Variants in TCF7L1 observed in about 807,000 individuals in gnomAD.
The protein encoded by TCF7L1 is transcription factor 7 like 1, also known as transcription factor 7-like 1.
A neutral mutation model predicts 63.7 loss-of-function variants in TCF7L1; 18 were observed. The ratio of observed to expected loss-of-function variants is 0.28; its 90% CI spans 0.20 to 0.42. The LOEUF is 0.42. Ranked by LOEUF, TCF7L1 falls within the 10% of genes least tolerant of loss-of-function variation. The probability of loss-of-function intolerance (pLI) is 1.00; values close to 1 mark genes in which losing one functional copy is unlikely to be tolerated. For missense variants in TCF7L1, 654 were observed against 779.3 expected (o/e 0.84, Z 1.91); for synonymous variants, 355 against 340.9 (o/e 1.04, Z -0.46).
chr2:85,302,528 G>A lies in TCF7L1; in HGVS notation c.570G>A (p.Pro190=), dbSNP rs771979278. ...TTCAGCACCCGCATCACATGCATCC[G>A]CTGACTCCCCTCATCACCTACAGCA... ...PVVQHPHHMH[P]LTPLITYSND... is the part of the protein sequence containing the mutation. Residue 190 remains proline, a synonymous_variant, in exon 5 of 12, where the codon CCG becomes CCA. Coordinates refer to ENST00000282111, the MANE Select transcript of TCF7L1 (RefSeq NM_031283.3). 12 of 1,613,880 alleles carry A rather than the reference G, an allele frequency of 7.4e-6. No homozygotes were observed. Among genetic ancestry groups the A allele is most frequent in the East Asian group, 4.5e-5 (2 of 44,900 alleles).
chr2:85,252,665 C>T (rs534475130), intron 3 of TCF7L1, among the ~76,000 whole-genome samples: 1 of 152,346 alleles, frequency 6.6e-6, no homozygotes, highest in East Asian at 1.9e-4. Flanking sequence ...TCTAGAAATG[C>T]TTGCACACAA....
At position 85,204,334 on chromosome 2, in the gene TCF7L1, G is replaced by C. The variant is rs80122435; in HGVS notation, c.441+69884G>C. Among the ~76,000 whole-genome samples, 39 of 120,126 alleles carry C rather than the reference G, an allele frequency of 3.2e-4. 1 individual carries two copies. The East Asian group carries it at 9.1e-3, about 28-fold the overall frequency. 78.8% of individuals were successfully genotyped at this position (120,126 alleles called of 152,430 possible). On this transcript the variant is annotated intron_variant, in intron 3 of 11. Coordinates refer to ENST00000282111, the MANE Select transcript of TCF7L1 (RefSeq NM_031283.3). ...TAATAGGGTATCTCAGAGACCTTTC[G>C]ATGTCAGTACATACGCGCTTACCTC...
chr2:85,290,909 A>G (rs1024906519), intron 4 of TCF7L1, among the ~76,000 whole-genome samples: 47 of 152,204 alleles, frequency 3.1e-4, no homozygotes, highest in African/African-American at 1.1e-3. Flanking sequence ...GGGAGCTGGG[A>G]GCTGTGCCCC....
chr2:85,289,976 G>GT (rs11291687), intron 4 of TCF7L1, among the ~76,000 whole-genome samples: 15,083 of 139,566 alleles, frequency 0.11, 1,051 homozygotes, highest in Non-Finnish European at 0.15. Context: ...GCCTAGCCCA[G>GT]TTTTTTTTTT....
chr2:85,250,865 C>G (rs1680572285), intron 3 of TCF7L1, among the ~76,000 whole-genome samples: 1 of 152,204 alleles, frequency 6.6e-6, no homozygotes, highest in Non-Finnish European at 1.5e-5. Flanking sequence ...TTAGGCACAT[C>G]TTGAGGACAG....
chr2:85,250,638 T>C (rs1680567217), intron 3 of TCF7L1, among the ~76,000 whole-genome samples: 1 of 152,164 alleles, frequency 6.6e-6, no homozygotes, highest in African/African-American at 2.4e-5. Context: ...GGTTTCGCCA[T>C]GTTGGCCAGG....
chr2:85,177,129 T>C (rs1678693170), intron 3 of TCF7L1, among the ~76,000 whole-genome samples: 1 of 152,058 alleles, frequency 6.6e-6, no homozygotes, highest in South Asian at 2.1e-4. Flanking sequence ...GTGAGGACCC[T>C]CTTCCAAGTT....
chr2:85,166,200 C>T (rs1023100944), intron 3 of TCF7L1, among the ~76,000 whole-genome samples: 1 of 152,180 alleles, frequency 6.6e-6, no homozygotes, highest in African/African-American at 2.4e-5. Flanking sequence ...TAGGGCTGAG[C>T]CCCAGAGTAT....
intron 4 of TCF7L1, among the ~76,000 whole-genome samples, chr2:85,291,560 A>AGTTTTG (rs112277726): frequency 0.023 from 3,065 of 134,862 alleles, 31 homozygotes; most frequent in Non-Finnish European, 0.026. Context: ...TTTTGGTTTT[A>AGTTTTG]GTTTTGGTTT....
intron 3 of TCF7L1, among the ~76,000 whole-genome samples, chr2:85,254,031 C>T (rs1050612892): frequency 6.6e-6 from 1 of 152,236 alleles, no homozygotes; most frequent in Non-Finnish European, 1.5e-5. Flanking sequence ...CCCCTCTTGC[C>T]ATGAGAGCCC....
At chr2:85,302,680 A>G (rs933784918) in intron 5 of TCF7L1, 64 bp downstream of exon 5, 21 of 1,563,980 alleles carry the variant, frequency 1.3e-5, no homozygotes, top group Admixed American at 3.7e-5. Flanking sequence ...TTGTGGGAAC[A>G]TAACAGCCCT....
chr2:85,274,139 G>A (rs1027719884), intron 3 of TCF7L1, among the ~76,000 whole-genome samples: 1 of 152,148 alleles, frequency 6.6e-6, no homozygotes, highest in African/African-American at 2.4e-5. Flanking sequence ...CAGTTTCCAC[G>A]AAGACACTTC....
chr2:85,278,319 G>A (rs1489877565), intron 3 of TCF7L1, among the ~76,000 whole-genome samples: 1 of 152,180 alleles, frequency 6.6e-6, no homozygotes, highest in African/African-American at 2.4e-5. Context: ...GAATAATAAA[G>A]CCACAAGGAC....
intron 3 of TCF7L1, among the ~76,000 whole-genome samples, chr2:85,262,474 T>C (rs1404009250): frequency 6.6e-6 from 1 of 152,030 alleles, no homozygotes; most frequent in East Asian, 1.9e-4. Context: ...CTCTGGCCTC[T>C]GACAAGCCAA....
intron 3 of TCF7L1, among the ~76,000 whole-genome samples, chr2:85,143,009 A>G (rs189154022): frequency 1.8e-4 from 28 of 152,376 alleles, no homozygotes; most frequent in African/African-American, 5.8e-4. Flanking sequence ...GTATACTTCA[A>G]AGTTTGGAAA....
At chr2:85,193,836 T>TAG (rs941716151) in intron 3 of TCF7L1, among the ~76,000 whole-genome samples, 7 of 151,948 alleles carry the variant, frequency 4.6e-5, no homozygotes, top group African/African-American at 1.7e-4. Context: ...AAAATGCATA[T>TAG]AGAGAGAGAG....
chr2:85,162,268 G>T (rs968291546), intron 3 of TCF7L1, among the ~76,000 whole-genome samples: 1 of 152,072 alleles, frequency 6.6e-6, no homozygotes, highest in Admixed American at 6.6e-5. Context: ...TTTAAAAAAA[G>T]AAAGTCCGCA....
chr2:85,168,295 G>A (rs1235229492), intron 3 of TCF7L1, among the ~76,000 whole-genome samples: 2 of 152,110 alleles, frequency 1.3e-5, no homozygotes, highest in Admixed American at 6.5e-5. Context: ...TATTATGGAT[G>A]TATGCACGTG....
Position 85,134,335 on chromosome 2 carries a change from A to G in TCF7L1, c.326A>G (p.Gln109Arg). Residue 109 changes from glutamine to arginine, a missense_variant, in exon 3 of 12, where the codon CAG becomes CGG. Gln to Arg is a conservative substitution (Grantham distance 43, BLOSUM62 1). This residue lies in a region of TCF7L1 where 404 missense variants were observed against 454.8 expected (regional missense o/e 0.89). Transcript: ENST00000282111. The surrounding 1 kb of genome is among the most constrained non-coding windows in gnomAD (Gnocchi z 5.0). ...GTCTTGTTCGCAGTGAGAAGGCCTC[A>G]GGACAGCGCGTTCTTTAAAGGACCC... ...RDYFAEVRRP[Q>R]DSAFFKGPPY... is the part of the protein sequence containing the mutation. 4 of 1,584,862 alleles carry G rather than the reference A, an allele frequency of 2.5e-6. No homozygotes were observed. The highest frequency in any genetic ancestry group is 2.6e-6 in the Non-Finnish European group (3 of 1,164,836).
Sources: allele counts gnomAD v4.1 joint callset (sites outside exome capture counted in the v4.1 genomes callset), GRCh38; gene constraint gnomAD v4.1.1; regional missense constraint gnomAD v4.1.1; non-coding constraint Gnocchi (gnomAD v3.1); transcripts MANE v1.5; gene names NCBI Gene and HGNC (gene_info 2026-07-23, HGNC 2026-07-21).